The following TRAPPC3L variants were observed in gnomAD, a reference collection of about 807,000 sequenced individuals.
The protein encoded by TRAPPC3L is trafficking protein particle complex subunit 3-like protein.
A neutral mutation model predicts 23.7 loss-of-function variants in TRAPPC3L; 23 were observed. The ratio of observed to expected loss-of-function variants is 0.97; its 90% CI spans 0.70 to 1.37. TRAPPC3L has a LOEUF of 1.37. TRAPPC3L is among the 40% of genes most tolerant of loss of function. The pLI is 0.00. For missense variants in TRAPPC3L, 212 were observed against 216.8 expected, an observed-to-expected ratio of 0.98 and a Z score of 0.14; for synonymous variants, 81 against 77.9, an observed-to-expected ratio of 1.04 and a Z score of -0.21.
At chr6:116,540,288 G>A in intron 3 of TRAPPC3L, 75 bp downstream of exon 3, 1 of 1,402,676 alleles carries the variant, frequency 7.1e-7, no homozygotes, top group Non-Finnish European at 9.8e-7. Context: ...TGTCCAATCT[G>A]AACAGAAAAC....
intron 3 of TRAPPC3L, among the ~76,000 whole-genome samples, chr6:116,533,968 C>T (rs1474125656): frequency 6.6e-6 from 1 of 152,164 alleles, no homozygotes; most frequent in Non-Finnish European, 1.5e-5. Flanking sequence ...TCTAGCAACA[C>T]AGCAGCCTTC....
chr6:116,515,412 C>T (rs1319077868), intron 3 of TRAPPC3L, among the ~76,000 whole-genome samples: 1 of 152,136 alleles, frequency 6.6e-6, no homozygotes, highest in African/African-American at 2.4e-5. Context: ...TAAACCCTAA[C>T]TTTATTTTGA....
chr6:116,512,396 T>C, intron 3 of TRAPPC3L: 1 of 836,788 alleles, frequency 1.2e-6, no homozygotes, highest in East Asian at 2.7e-5. Context: ...GAAAAGCTTT[T>C]GAAAGGCTGG....
At chr6:116,513,164 A>G (rs965856338) in intron 3 of TRAPPC3L, among the ~76,000 whole-genome samples, 1 of 152,208 alleles carries the variant, frequency 6.6e-6, no homozygotes, top group African/African-American at 2.4e-5. Context: ...AAAGGCACAG[A>G]AATAGCATTA....
chr6:116,497,054 ACAT>A lies in TRAPPC3L; in HGVS notation c.443_445del (p.Asp148del). On this transcript the variant is annotated inframe_deletion, in exon 5 of 5. Transcript: ENST00000368602. Reference sequence around the variant, plus strand: ...TTTTAGTCTGTCTTGCAAGAATGTAACATCAGCCGCCAAATGAACCTAGGAAAG... The same window carrying A: ...TTTTAGTCTGTCTTGCAAGAATGTAACAGCCGCCAAATGAACCTAGGAAAG... 1 of 1,541,852 alleles carries A rather than the reference ACAT, an allele frequency of 6.5e-7. No homozygotes were observed. The highest frequency in any genetic ancestry group is 1.2e-5 in the South Asian group (1 of 82,130).
At chr6:116,500,273 T>C (rs562132602) in intron 4 of TRAPPC3L, among the ~76,000 whole-genome samples, 1 of 152,378 alleles carries the variant, frequency 6.6e-6, no homozygotes, top group East Asian at 1.9e-4. Flanking sequence ...ACCACTTAGC[T>C]AAGCTGCTCC....
At chr6:116,528,721 T>C (rs942085924) in intron 3 of TRAPPC3L, among the ~76,000 whole-genome samples, 10 of 152,216 alleles carry the variant, frequency 6.6e-5, no homozygotes, top group African/African-American at 2.2e-4. Flanking sequence ...ATGCCAGCCT[T>C]CTCTGGAATG....
At chr6:116,530,474 G>A (rs1039230324) in intron 3 of TRAPPC3L, among the ~76,000 whole-genome samples, 1 of 152,130 alleles carries the variant, frequency 6.6e-6, no homozygotes, top group African/African-American at 2.4e-5. Context: ...TTTTGTAATT[G>A]GTTCCTTTAT....
At chr6:116,541,031 A>T (rs1368880204) in intron 2 of TRAPPC3L, among the ~76,000 whole-genome samples, 1 of 152,104 alleles carries the variant, frequency 6.6e-6, no homozygotes, top group Non-Finnish European at 1.5e-5. Context: ...AAGTTCAGAA[A>T]ACTCATTTTT....
intron 3 of TRAPPC3L, among the ~76,000 whole-genome samples, chr6:116,538,448 T>G (rs1039218953): frequency 4.6e-5 from 7 of 152,250 alleles, no homozygotes; most frequent in Non-Finnish European, 5.9e-5. Flanking sequence ...TTTTTTGTTC[T>G]GTTAATCATC....
chr6:116,532,142 C>G (rs1004924251), intron 3 of TRAPPC3L, among the ~76,000 whole-genome samples: 45 of 152,286 alleles, frequency 3.0e-4, no homozygotes, highest in African/African-American at 1.1e-3. Context: ...TAGTATTGAG[C>G]AGACAGGGTA....
At chr6:116,543,626 C>T (rs911304095) in intron 1 of TRAPPC3L, 23 of 645,900 alleles carry the variant, frequency 3.6e-5, no homozygotes, top group African/African-American at 1.3e-4. Context: ...AAATGAATTT[C>T]GTAACATGAT....
intron 3 of TRAPPC3L, among the ~76,000 whole-genome samples, chr6:116,510,256 A>T (rs1772087546): frequency 6.6e-6 from 1 of 152,098 alleles, no homozygotes; most frequent in South Asian, 2.1e-4. Context: ...CCTCTATAAA[A>T]AACAGTATGG....
intron 3 of TRAPPC3L, chr6:116,517,856 G>C (rs1370636936): frequency 6.6e-6 from 1 of 152,082 alleles, no homozygotes; most frequent in African/African-American, 2.4e-5. Flanking sequence ...AGGTTGAGTC[G>C]ATCACAAATG....
rs1309746496 is a variant in TRAPPC3L at position 116,496,671 on chromosome 6, G to A, written c.*283C>T. On this transcript the variant is annotated 3_prime_UTR_variant, in exon 5 of 5. Transcript: ENST00000368602. ...TTACCATACGTGAATGGAATGAACA[G>A]CTTCTCTGAGGATGGATAGTGTAAG... 1.0e-5 allele frequency: 3 copies of A among 288,084 alleles called. No homozygotes were observed. Among genetic ancestry groups the A allele is most frequent in the Non-Finnish European group, 1.9e-5 (3 of 157,528 alleles). The allele number at this position is 288,084 out of a possible 1,614,324, so 17.8% of individuals were successfully genotyped here.
At chr6:116,507,091 A>G (rs1185422128) in intron 3 of TRAPPC3L, among the ~76,000 whole-genome samples, 3 of 137,374 alleles carry the variant, frequency 2.2e-5, no homozygotes, top group Non-Finnish European at 3.2e-5. Context: ...CTGTGGAGAT[A>G]ATATGGTTTG....
chr6:116,538,518 C>T (rs1462086338), intron 3 of TRAPPC3L, among the ~76,000 whole-genome samples: 1 of 152,066 alleles, frequency 6.6e-6, no homozygotes, highest in Non-Finnish European at 1.5e-5. Flanking sequence ...ACAAACATAT[C>T]CAGAGGAATG....
chr6:116,515,737 G>A (rs976386204), intron 3 of TRAPPC3L: 45 of 1,613,878 alleles, frequency 2.8e-5, no homozygotes, highest in Non-Finnish European at 3.7e-5. Context: ...AGGAGCAGTT[G>A]GAAAATACAT....
intron 3 of TRAPPC3L, 72 bp downstream of exon 3, chr6:116,540,291 C>G (rs1184761651): frequency 3.5e-6 from 5 of 1,425,350 alleles, no homozygotes; most frequent in Non-Finnish European, 3.8e-6. Flanking sequence ...CCAATCTGAA[C>G]AGAAAACCAC....
Sources: gnomAD v4.1 joint callset for allele counts (sites outside exome capture counted in the v4.1 genomes callset) on GRCh38, gnomAD v4.1.1 for gene constraint, MANE v1.5 for transcripts, NCBI Gene and HGNC (gene_info 2026-07-23, HGNC 2026-07-21) for gene names.